The following PLD5 variants were observed in gnomAD, a reference collection of about 807,000 sequenced individuals.
PLD5 encodes the protein phospholipase D family member 5, also known as inactive phospholipase D5.
PLD5 carries 36 observed loss-of-function variants against 61.1 expected under a neutral mutation model. That is an observed-to-expected ratio of 0.59 (90% CI 0.45 to 0.78). PLD5 has a LOEUF of 0.78. PLD5 is among the 30% of genes least tolerant of loss of function. PLD5 has a pLI of 0.00. For missense variants in PLD5, 515 were observed against 644.4 expected (o/e 0.80, Z 2.17); for synonymous variants, 243 against 242.8 (o/e 1.00, Z -0.01).
At chr1:242,286,322 G>C (rs1014686798) in intron 3 of PLD5, among the ~76,000 whole-genome samples, 12 of 151,998 alleles carry the variant, frequency 7.9e-5, no homozygotes, top group Non-Finnish European at 1.6e-4. Flanking sequence ...AATATGTCAG[G>C]TTGGTATATT....
intron 1 of PLD5, among the ~76,000 whole-genome samples, chr1:242,485,679 AC>A (rs1272293783): frequency 6.6e-6 from 1 of 152,236 alleles, no homozygotes; most frequent in Non-Finnish European, 1.5e-5. Flanking sequence ...CCATCAAGCT[AC>A]CAATGACTTT....
intron 5 of PLD5, among the ~76,000 whole-genome samples, chr1:242,204,741 G>C (rs963618267): frequency 6.6e-6 from 1 of 152,160 alleles, no homozygotes; most frequent in African/African-American, 2.4e-5. Context: ...CTCAGTTGTA[G>C]AGATGAGCGA....
At chr1:242,139,529 G>A (rs1205474762) in intron 5 of PLD5, among the ~76,000 whole-genome samples, 1 of 152,018 alleles carries the variant, frequency 6.6e-6, no homozygotes, top group Non-Finnish European at 1.5e-5. Context: ...CTCAGTGGTC[G>A]AGGGAGACCC....
At chr1:242,100,562 G>A in intron 9 of PLD5, 106 bp downstream of exon 9, 1 of 759,654 alleles carries the variant, frequency 1.3e-6, no homozygotes. Flanking sequence ...CACCAGCAGT[G>A]GTTCCCAAGG....
At chr1:242,155,614 A>C (rs1665299640) in intron 5 of PLD5, among the ~76,000 whole-genome samples, 1 of 152,148 alleles carries the variant, frequency 6.6e-6, no homozygotes. Context: ...TTTACCCAGT[A>C]GTCACTCAGG....
intron 1 of PLD5, among the ~76,000 whole-genome samples, chr1:242,471,651 G>A (rs1480357582): frequency 6.6e-6 from 1 of 152,060 alleles, no homozygotes; most frequent in Non-Finnish European, 1.5e-5. Flanking sequence ...AAGGGACAGA[G>A]GAGAATTTAA....
At chr1:242,125,363 CCTCT>C (rs764383380) in intron 5 of PLD5, among the ~76,000 whole-genome samples, 3 of 152,012 alleles carry the variant, frequency 2.0e-5, no homozygotes, top group African/African-American at 4.8e-5. Flanking sequence ...ATTTTGTCCA[CCTCT>C]CTCAAGGCAT....
At chr1:242,505,856 C>T (rs1439669808) in intron 1 of PLD5, among the ~76,000 whole-genome samples, 2 of 152,178 alleles carry the variant, frequency 1.3e-5, no homozygotes, top group African/African-American at 4.8e-5. Flanking sequence ...GCCACCTGCA[C>T]CTCTAAGCAG....
chr1:242,115,483 C>T (rs969709816), intron 6 of PLD5, among the ~76,000 whole-genome samples: 2 of 151,964 alleles, frequency 1.3e-5, no homozygotes, highest in Non-Finnish European at 2.9e-5. Context: ...CACTTCTTTT[C>T]GGAGGAGCAC....
At chr1:242,332,867 G>A (rs991903686) in intron 2 of PLD5, among the ~76,000 whole-genome samples, 13 of 152,174 alleles carry the variant, frequency 8.5e-5, no homozygotes, top group South Asian at 2.1e-4. Flanking sequence ...ACGTTCACTC[G>A]TAGATACCAA....
intron 6 of PLD5, among the ~76,000 whole-genome samples, chr1:242,114,858 A>T (rs1661817138): frequency 6.6e-6 from 1 of 152,134 alleles, no homozygotes; most frequent in African/African-American, 2.4e-5. Flanking sequence ...TTATTTCATT[A>T]TATATTACAA....
chr1:242,130,054 C>CTTT (rs561595174), intron 5 of PLD5, among the ~76,000 whole-genome samples: 1 of 143,096 alleles, frequency 7.0e-6, no homozygotes, highest in Admixed American at 7.0e-5. Context: ...TGATGAACAT[C>CTTT]TTTTTTTTTT....
At chr1:242,248,334 C>T (rs1672508424) in intron 4 of PLD5, among the ~76,000 whole-genome samples, 2 of 152,238 alleles carry the variant, frequency 1.3e-5, no homozygotes, top group South Asian at 4.2e-4. Flanking sequence ...TAATGTCACA[C>T]TGGACACTAT....
chr1:242,466,808 G>A (rs534523519), intron 1 of PLD5, among the ~76,000 whole-genome samples: 7 of 151,770 alleles, frequency 4.6e-5, no homozygotes, highest in East Asian at 1.9e-4. Flanking sequence ...CAGGAGAATC[G>A]CTTGAACCCA....
chr1:242,163,281 C>T (rs545020765), intron 5 of PLD5, among the ~76,000 whole-genome samples: 18 of 151,852 alleles, frequency 1.2e-4, no homozygotes, highest in Admixed American at 4.6e-4. Flanking sequence ...GTAGCTGGGA[C>T]TACAGGCGCC....
At chr1:242,426,947 T>C (rs1665461571) in intron 1 of PLD5, among the ~76,000 whole-genome samples, 2 of 152,160 alleles carry the variant, frequency 1.3e-5, no homozygotes, top group South Asian at 4.1e-4. Context: ...CCATGCTTTT[T>C]ACCCATCCAC....
intron 3 of PLD5, among the ~76,000 whole-genome samples, chr1:242,277,178 C>T (rs1229063202): frequency 6.6e-6 from 1 of 152,152 alleles, no homozygotes; most frequent in East Asian, 1.9e-4. Flanking sequence ...GCATCCACAG[C>T]CTGGCATCAT....
chr1:242,139,598 C>T (rs1460836843), intron 5 of PLD5, among the ~76,000 whole-genome samples: 1 of 152,106 alleles, frequency 6.6e-6, no homozygotes, highest in South Asian at 2.1e-4. Flanking sequence ...CATCTGACTT[C>T]CTGCACACGG....
intron 5 of PLD5, among the ~76,000 whole-genome samples, chr1:242,154,846 G>A (rs1168746710): frequency 6.6e-6 from 1 of 152,108 alleles, no homozygotes; most frequent in African/African-American, 2.4e-5. Context: ...GTATAAGGAT[G>A]ATACTGGCCT....
Sources: allele counts gnomAD v4.1 joint callset (sites outside exome capture counted in the v4.1 genomes callset), GRCh38; gene constraint gnomAD v4.1.1; transcripts MANE v1.5; gene names NCBI Gene and HGNC (gene_info 2026-07-23, HGNC 2026-07-21).